SPOCK1: variants seen among roughly 807,000 people sequenced by gnomAD.
SPOCK1 encodes the protein testican-1.
Under a neutral mutation model 55.3 loss-of-function variants are expected in SPOCK1, and 23 were observed. The ratio of observed to expected loss-of-function variants is 0.42; its 90% CI spans 0.30 to 0.59. The LOEUF is 0.59. Among genes scored for constraint, SPOCK1 ranks in the 20% least tolerant of loss-of-function variants. The probability of loss-of-function intolerance (pLI) is 0.22; values close to 1 mark genes in which losing one functional copy is unlikely to be tolerated. For synonymous variants in SPOCK1, 226 were observed against 221.0 expected (o/e 1.02, Z -0.20); for missense variants, 499 against 552.5 (o/e 0.90, Z 0.97).
At chr5:137,025,789 G>T (rs1751664250) in intron 6 of SPOCK1, among the ~76,000 whole-genome samples, 1 of 152,170 alleles carries the variant, frequency 6.6e-6, no homozygotes, top group South Asian at 2.1e-4. Context: ...GATGAGATAG[G>T]TGAGATTCTG....
At chr5:137,448,010 G>A (rs1255283631) in intron 2 of SPOCK1, among the ~76,000 whole-genome samples, 2 of 152,334 alleles carry the variant, frequency 1.3e-5, no homozygotes, top group East Asian at 3.9e-4. Context: ...CACTTTGGGA[G>A]GCCAAGGTGG....
intron 2 of SPOCK1, among the ~76,000 whole-genome samples, chr5:137,381,280 T>C (rs753872630): frequency 6.6e-6 from 1 of 152,216 alleles, no homozygotes; most frequent in Non-Finnish European, 1.5e-5. Flanking sequence ...ATTGAGTGCC[T>C]GTGACTTTTC....
chr5:137,184,906 C>T (rs939746766), intron 3 of SPOCK1, among the ~76,000 whole-genome samples: 1 of 152,164 alleles, frequency 6.6e-6, no homozygotes, highest in Non-Finnish European at 1.5e-5. Flanking sequence ...TCCTTCTCAT[C>T]CACATGTCCC....
Position 137,240,354 on chromosome 5 carries a change from G to C in SPOCK1, c.232+26656C>G, listed in dbSNP as rs570885115. ...CTTCAGGAAGCTTCCAATCATGATA[G>C]AAAGCAAAGGGAAGCAGGCATATGA... On this transcript the variant is annotated intron_variant, in intron 3 of 10. Coordinates refer to ENST00000394945, the MANE Select transcript of SPOCK1 (RefSeq NM_004598.4). Among the ~76,000 whole-genome samples, 3 of 152,322 alleles carry C rather than the reference G, an allele frequency of 2.0e-5. No individual in the cohort carries two copies. The East Asian group carries it at 5.8e-4, about 29-fold the overall frequency.
At chr5:137,194,434 T>A (rs6881218) in intron 3 of SPOCK1, among the ~76,000 whole-genome samples, 130,776 of 152,170 alleles carry the variant, frequency 0.86, 56,275 homozygotes, top group African/African-American at 0.91. Flanking sequence ...GCCTGTTAGC[T>A]GAACTGCAGC....
chr5:137,078,820 G>A (rs747970011), intron 5 of SPOCK1, among the ~76,000 whole-genome samples: 4 of 152,192 alleles, frequency 2.6e-5, no homozygotes, highest in East Asian at 1.9e-4. Flanking sequence ...TCTCCATGCC[G>A]GACTGATCTC....
At chr5:137,152,179 A>C (rs1754329699) in intron 3 of SPOCK1, among the ~76,000 whole-genome samples, 1 of 152,190 alleles carries the variant, frequency 6.6e-6, no homozygotes, top group African/African-American at 2.4e-5. Flanking sequence ...CGTATAACTT[A>C]AGTCTTATGT....
chr5:137,067,466 G>A (rs1236867584), intron 6 of SPOCK1, among the ~76,000 whole-genome samples: 2 of 152,160 alleles, frequency 1.3e-5, no homozygotes, highest in African/African-American at 2.4e-5. Flanking sequence ...ACACCATAGC[G>A]AATATGACCT....
At chr5:137,218,256 G>A (rs188201204) in intron 3 of SPOCK1, among the ~76,000 whole-genome samples, 41 of 152,258 alleles carry the variant, frequency 2.7e-4, no homozygotes, top group Admixed American at 2.2e-3. Flanking sequence ...CTTGACTTTC[G>A]GTCTAATGGG....
intron 2 of SPOCK1, chr5:137,313,334 G>A (rs954467675): frequency 5.0e-6 from 4 of 800,514 alleles, no homozygotes; most frequent in Non-Finnish European, 1.5e-6. Flanking sequence ...TAGGGATGAG[G>A]TATGGGCACA....
chr5:136,994,607 C>T lies in SPOCK1; in HGVS notation c.590-2007G>A, dbSNP rs543319247. Among the ~76,000 whole-genome samples the T allele has an allele frequency of 2.0e-5, 3 of 151,752 alleles. No individual in the cohort carries two copies. The East Asian group carries it at 5.8e-4, about 29-fold the overall frequency. On this transcript the variant is annotated intron_variant, in intron 6 of 10. Coordinates refer to ENST00000394945, the MANE Select transcript of SPOCK1 (RefSeq NM_004598.4). ...GGTAACATTAGGGCTAGCATCACAG[C>T]ATTCAGAAAGCCAACAACAAATCCA...
chr5:137,432,573 G>A (rs34222284), intron 2 of SPOCK1, among the ~76,000 whole-genome samples: 42,158 of 151,986 alleles, frequency 0.28, 6,885 homozygotes, highest in Middle Eastern at 0.44. Flanking sequence ...ACTATTCACA[G>A]AGACAGCAAG....
chr5:137,325,283 C>T (rs1758055849), intron 2 of SPOCK1, among the ~76,000 whole-genome samples: 1 of 152,062 alleles, frequency 6.6e-6, no homozygotes, highest in African/African-American at 2.4e-5. Context: ...ACATACCAGC[C>T]CTCCCTTGCA....
chr5:137,347,849 C>T (rs1274738294), intron 2 of SPOCK1, among the ~76,000 whole-genome samples: 1 of 152,228 alleles, frequency 6.6e-6, no homozygotes, highest in Non-Finnish European at 1.5e-5. Flanking sequence ...TCTTAGAATG[C>T]CCTACACGTG....
intron 9 of SPOCK1, among the ~76,000 whole-genome samples, chr5:136,984,896 G>C (rs1750809254): frequency 6.6e-6 from 1 of 152,204 alleles, no homozygotes; most frequent in African/African-American, 2.4e-5. Flanking sequence ...TTAGCAGTGG[G>C]GAAGGTGCTG....
intron 2 of SPOCK1, among the ~76,000 whole-genome samples, chr5:137,492,041 T>C (rs1273515727): frequency 1.3e-5 from 2 of 152,268 alleles, no homozygotes; most frequent in South Asian, 2.1e-4. Context: ...ATAAGCTTGG[T>C]CAACACAGTG....
chr5:137,128,184 A>G (rs914929365), intron 4 of SPOCK1, among the ~76,000 whole-genome samples: 2 of 152,206 alleles, frequency 1.3e-5, no homozygotes, highest in African/African-American at 4.8e-5. Flanking sequence ...ACAGCTGTCT[A>G]TGAAACAGGA....
At chr5:137,098,644 T>C (rs988949984) in intron 5 of SPOCK1, among the ~76,000 whole-genome samples, 33 of 152,230 alleles carry the variant, frequency 2.2e-4, no homozygotes, top group African/African-American at 8.0e-4. Flanking sequence ...CAACCTCTCT[T>C]GTTCCCATCA....
intron 3 of SPOCK1, among the ~76,000 whole-genome samples, chr5:137,208,183 TAGA>T (rs1021338775): frequency 2.0e-5 from 3 of 151,940 alleles, no homozygotes; most frequent in African/African-American, 7.3e-5. Context: ...TATTTACGAG[TAGA>T]AGGAGAGAAA....
Sources: allele counts gnomAD v4.1 joint callset (sites outside exome capture counted in the v4.1 genomes callset), GRCh38; gene constraint gnomAD v4.1.1; transcripts MANE v1.5; gene names NCBI Gene and HGNC (gene_info 2026-07-23, HGNC 2026-07-21).